Variants in CLVS1 observed in about 807,000 individuals in gnomAD.
The protein encoded by CLVS1 is clavesin 1.
Under a neutral mutation model 33.1 loss-of-function variants are expected in CLVS1, and 10 were observed. The observed-to-expected ratio is 0.30, with a 90% CI of 0.19 to 0.51. The LOEUF (loss-of-function observed/expected upper bound fraction) is 0.51. Among genes scored for constraint, CLVS1 ranks in the 20% least tolerant of loss-of-function variants. CLVS1 has a pLI of 0.97. For missense variants in CLVS1, 343 were observed against 433.4 expected (o/e 0.79, Z 1.85); for synonymous variants, 163 against 166.1 (o/e 0.98, Z 0.14).
At chr8:61,292,636 G>A (rs576117359) in intron 1 of CLVS1, among the ~76,000 whole-genome samples, 2 of 152,068 alleles carry the variant, frequency 1.3e-5, no homozygotes, top group East Asian at 1.9e-4. Flanking sequence ...AAAAATTGGG[G>A]TATCAACTGC....
intron 1 of CLVS1, among the ~76,000 whole-genome samples, chr8:61,057,624 G>A (rs998533800): frequency 1.3e-5 from 2 of 151,522 alleles, no homozygotes; most frequent in Non-Finnish European, 2.9e-5. Flanking sequence ...CTCTGAGCCA[G>A]TCAGAAGAAA....
intron 1 of CLVS1, chr8:61,292,542 C>A (rs1416037791): frequency 5.6e-6 from 2 of 356,320 alleles, no homozygotes; most frequent in African/African-American, 4.2e-5. Flanking sequence ...CCTTTGAAGA[C>A]AGAAGGGTCA....
At chr8:61,156,306 C>G (rs948076359) in intron 2 of CLVS1, among the ~76,000 whole-genome samples, 1 of 151,820 alleles carries the variant, frequency 6.6e-6, no homozygotes, top group Non-Finnish European at 1.5e-5. Context: ...GCTCTATGCC[C>G]CTATTCATTC....
intron 1 of CLVS1, among the ~76,000 whole-genome samples, chr8:61,106,602 G>T (rs988407661): frequency 6.6e-6 from 1 of 152,236 alleles, no homozygotes; most frequent in Non-Finnish European, 1.5e-5. Flanking sequence ...CCGCGCAGGC[G>T]GTGGAGGGTG....
intron 2 of CLVS1, among the ~76,000 whole-genome samples, chr8:61,181,637 T>TA (rs1199455141): frequency 1.3e-5 from 2 of 150,070 alleles, no homozygotes; most frequent in South Asian, 2.1e-4. Context: ...AACAGACATA[T>TA]AGAGCAATGG....
chr8:61,292,495 TA>T, intron 1 of CLVS1: 1 of 421,844 alleles, frequency 2.4e-6, no homozygotes. Flanking sequence ...TCCTCTTCCT[TA>T]AAAAAGAGAA....
intron 3 of CLVS1, among the ~76,000 whole-genome samples, chr8:61,438,126 G>A (rs1211509279): frequency 1.3e-5 from 2 of 152,142 alleles, no homozygotes; most frequent in Non-Finnish European, 2.9e-5. Flanking sequence ...CCATCACCTA[G>A]GTATTAAGCC....
At chr8:60,979,100 G>T in the CLVS1 span, among the ~76,000 whole-genome samples, 4 of 152,302 alleles carry the variant, frequency 2.6e-5, no homozygotes, top group Non-Finnish European at 5.9e-5. Flanking sequence ...GAACATAACA[G>T]AGTGGAGAGA....
chr8:60,986,810 G>A, the CLVS1 span, among the ~76,000 whole-genome samples: 1 of 152,146 alleles, frequency 6.6e-6, no homozygotes, highest in Non-Finnish European at 1.5e-5. Flanking sequence ...ACATCGTACT[G>A]GGCATTAGAA....
intron 1 of CLVS1, among the ~76,000 whole-genome samples, chr8:61,109,703 C>T (rs1805593747): frequency 2.6e-5 from 4 of 152,120 alleles, no homozygotes; most frequent in Admixed American, 2.6e-4. Flanking sequence ...CATGAGGGCT[C>T]TGCCTTCATG....
chr8:60,973,230 A>G, the CLVS1 span, among the ~76,000 whole-genome samples: 3 of 152,248 alleles, frequency 2.0e-5, no homozygotes, highest in African/African-American at 4.8e-5. Flanking sequence ...ATTTAAAAAA[A>G]TGTTTAGTGA....
At chr8:61,044,456 C>G in the CLVS1 span, among the ~76,000 whole-genome samples, 1 of 152,080 alleles carries the variant, frequency 6.6e-6, no homozygotes, top group Non-Finnish European at 1.5e-5. Context: ...GTGGCACATC[C>G]TGGATTGGGC....
At chr8:61,111,456 C>G (rs1805627366) in intron 1 of CLVS1, among the ~76,000 whole-genome samples, 1 of 152,100 alleles carries the variant, frequency 6.6e-6, no homozygotes, top group Non-Finnish European at 1.5e-5. Context: ...AGATTTGGGA[C>G]AAAATAATTG....
intron 5 of CLVS1, among the ~76,000 whole-genome samples, chr8:61,476,639 A>G (rs1817945028): frequency 6.6e-6 from 1 of 152,150 alleles, no homozygotes; most frequent in African/African-American, 2.4e-5. Flanking sequence ...ATTTTTGCAC[A>G]TTGACTTTGT....
In CLVS1 at chr8:61,074,370, A is replaced by ATGT. The variant is rs199683316; in HGVS notation, c.-243+17141_-243+17142insGTT. Among the ~76,000 whole-genome samples, 28 of 110,020 alleles carry ATGT rather than the reference A, an allele frequency of 2.5e-4. 1 individual carries two copies. Among genetic ancestry groups the ATGT allele is most frequent in the African/African-American group, 1.1e-3 (23 of 20,146 alleles). 72.2% of individuals were successfully genotyped at this position (110,020 alleles called of 152,430 possible). On this transcript the variant is annotated intron_variant, in intron 1 of 2. Coordinates refer to the CLVS1 transcript ENST00000522621. ...AATATGTGTGTGTGTGTATATATAT[A>ATGT]TATATAAGTATATGTGTATATATAT...
chr8:61,152,574 G>A (rs140176092), intron 2 of CLVS1, among the ~76,000 whole-genome samples: 2 of 152,264 alleles, frequency 1.3e-5, no homozygotes, highest in African/African-American at 4.8e-5. Context: ...TCTTCACATG[G>A]TGGTAGGCAG....
intron 3 of CLVS1, among the ~76,000 whole-genome samples, chr8:61,444,724 C>T (rs564766900): frequency 1.3e-5 from 2 of 152,010 alleles, no homozygotes; most frequent in African/African-American, 4.8e-5. Flanking sequence ...TGGGCAAGAG[C>T]CTTTATTGTG....
the CLVS1 span, among the ~76,000 whole-genome samples, chr8:60,993,007 G>A: frequency 6.6e-6 from 1 of 152,226 alleles, no homozygotes; most frequent in African/African-American, 2.4e-5. Context: ...TGAGGAAGAA[G>A]AAAGGGGGCT....
At chr8:61,253,943 C>G (rs923380901) in intron 2 of CLVS1, among the ~76,000 whole-genome samples, 1 of 152,220 alleles carries the variant, frequency 6.6e-6, no homozygotes, top group African/African-American at 2.4e-5. Context: ...CTCCATCCAG[C>G]TTTGTTCCGT....
Sources: gnomAD v4.1 joint callset for allele counts (sites outside exome capture counted in the v4.1 genomes callset) on GRCh38, gnomAD v4.1.1 for gene constraint, MANE v1.5 for transcripts, NCBI Gene and HGNC (gene_info 2026-07-23, HGNC 2026-07-21) for gene names.